Variants in KIAA0319L observed in about 807,000 individuals in gnomAD.
KIAA0319L encodes the protein KIAA0319 like.
A neutral mutation model predicts 120.1 loss-of-function variants in KIAA0319L; 55 were observed. The observed-to-expected ratio is 0.46, with a 90% CI of 0.37 to 0.57. The LOEUF (loss-of-function observed/expected upper bound fraction) is 0.57, where lower values mean the gene tolerates loss of function less well. Among genes scored for constraint, KIAA0319L ranks in the 20% least tolerant of loss-of-function variants. The pLI is 0.00. For synonymous variants in KIAA0319L, 398 were observed against 471.9 expected, an observed-to-expected ratio of 0.84 and a Z score of 2.03; for missense variants, 1,049 against 1,255.3, an observed-to-expected ratio of 0.84 and a Z score of 2.48.
intron 3 of KIAA0319L, among the ~76,000 whole-genome samples, chr1:35,491,944 C>T (rs1386697779): frequency 6.6e-6 from 1 of 152,158 alleles, no homozygotes; most frequent in Non-Finnish European, 1.5e-5. Flanking sequence ...CCAAAACTCA[C>T]TCAAGAAGAA....
intron 20 of KIAA0319L, chr1:35,440,751 G>A: frequency 2.4e-6 from 1 of 420,036 alleles, no homozygotes; most frequent in Non-Finnish European, 4.4e-6. Flanking sequence ...GACTACCTGG[G>A]GCAGTTGGAA....
chr1:35,450,950 C>T (rs889661757), intron 13 of KIAA0319L, among the ~76,000 whole-genome samples: 1 of 152,232 alleles, frequency 6.6e-6, no homozygotes, highest in Non-Finnish European at 1.5e-5. Flanking sequence ...TTCCTTGGAA[C>T]TTCACAAGAG....
chr1:35,465,026 T>A (rs539077329), intron 7 of KIAA0319L, among the ~76,000 whole-genome samples: 1 of 152,362 alleles, frequency 6.6e-6, no homozygotes, highest in Admixed American at 6.5e-5. Flanking sequence ...AGATGTCTGC[T>A]GCAGAGGCGG....
At chr1:35,554,266 A>G in intron 2 of KIAA0319L, 84 bp downstream of exon 2, 1 of 1,045,728 alleles carries the variant, frequency 9.6e-7, no homozygotes, top group Non-Finnish European at 1.3e-6. Context: ...CTGCCTCCTA[A>G]TAGTCCTTAA....
chr1:35,543,937 T>C (rs564043852), intron 2 of KIAA0319L, among the ~76,000 whole-genome samples: 7 of 152,312 alleles, frequency 4.6e-5, no homozygotes, highest in African/African-American at 1.2e-4. Context: ...CTGGAGAACA[T>C]GGCTGAGATG....
At chr1:35,473,153 T>C (rs1328268415) in intron 5 of KIAA0319L, among the ~76,000 whole-genome samples, 1 of 140,162 alleles carries the variant, frequency 7.1e-6, no homozygotes. Context: ...TGGAGTGCAA[T>C]GGCACAATCT....
At chr1:35,456,473 T>C (rs1764673) in intron 9 of KIAA0319L, among the ~76,000 whole-genome samples, 16,125 of 152,042 alleles carry the variant, frequency 0.11, 2,022 homozygotes, top group African/African-American at 0.29. Flanking sequence ...CTCACAACAA[T>C]TCTATAAAGT....
At chr1:35,444,383 T>A (rs1020341796) in intron 16 of KIAA0319L, 80 bp from the exon 17 acceptor site, 2 of 1,357,408 alleles carry the variant, frequency 1.5e-6, no homozygotes. Flanking sequence ...AAGTACCTTC[T>A]GTTTGTGACA....
chr1:35,437,933 G>C lies in KIAA0319L; in HGVS notation c.2963-2852C>G, dbSNP rs889162860. Among the ~76,000 whole-genome samples, 1 of 152,040 alleles carries C rather than the reference G, an allele frequency of 6.6e-6. No homozygotes were observed. Among genetic ancestry groups the C allele is most frequent in the South Asian group, 2.1e-4 (1 of 4,808 alleles). Reference sequence around the variant, plus strand: ...ACAGCACTATCATTCTCCATCTCTCGGTTGGAAGTCAGCCCTGACCTTGCC... The same window carrying C: ...ACAGCACTATCATTCTCCATCTCTCCGTTGGAAGTCAGCCCTGACCTTGCC... On this transcript the variant is annotated intron_variant, in intron 20 of 20. Coordinates refer to ENST00000325722, the MANE Select transcript of KIAA0319L (RefSeq NM_024874.5). The surrounding 1 kb of genome is among the most constrained non-coding windows in gnomAD (Gnocchi z 4.1).
intron 3 of KIAA0319L, among the ~76,000 whole-genome samples, chr1:35,489,478 C>T (rs369603318): frequency 1.7e-4 from 26 of 152,064 alleles, no homozygotes; most frequent in African/African-American, 5.8e-4. Flanking sequence ...CAAGCACAGA[C>T]CAGCAGTCTT....
At position 35,506,317 on chromosome 1, in the gene KIAA0319L, AC is replaced by A. The variant is rs1463661636; in HGVS notation, c.666+294del. 1.3e-5 allele frequency among the ~76,000 whole-genome samples: 2 copies of A among 152,230 alleles called. No homozygotes were observed. The highest frequency in any genetic ancestry group is 4.8e-5 in the African/African-American group (2 of 41,472). On this transcript the variant is annotated intron_variant, in intron 3 of 20. Transcript: ENST00000325722. The surrounding 1 kb of genome is among the most constrained non-coding windows in gnomAD (Gnocchi z 4.0). The stretch of plus-strand genomic sequence containing the variant: ...AAATACTGCAGAATGGTTGGTGAAT[AC>A]TAACAGCCATACAACTGTACTTACC...
At chr1:35,465,194 T>C (rs1409644779) in intron 7 of KIAA0319L, among the ~76,000 whole-genome samples, 2 of 152,160 alleles carry the variant, frequency 1.3e-5, no homozygotes, top group Non-Finnish European at 2.9e-5. Flanking sequence ...GCTTGCACTA[T>C]GCACCCGGAA....
chr1:35,461,875 C>T (rs1217187674), intron 8 of KIAA0319L, among the ~76,000 whole-genome samples: 2 of 152,150 alleles, frequency 1.3e-5, no homozygotes, highest in African/African-American at 2.4e-5. Flanking sequence ...AAACGCTTAA[C>T]CTTGTTAGAG....
At chr1:35,543,970 T>C (rs1646887967) in intron 2 of KIAA0319L, among the ~76,000 whole-genome samples, 1 of 152,178 alleles carries the variant, frequency 6.6e-6, no homozygotes, top group Non-Finnish European at 1.5e-5. Flanking sequence ...TGGCCTTTCT[T>C]ATACTTTCCT....
intron 3 of KIAA0319L, among the ~76,000 whole-genome samples, chr1:35,491,675 C>T (rs1644599113): frequency 1.3e-5 from 2 of 151,628 alleles, no homozygotes; most frequent in South Asian, 4.2e-4. Flanking sequence ...AACAGAAAAA[C>T]AATAGAGAAA....
chr1:35,552,135 G>C (rs1647251718), intron 2 of KIAA0319L, among the ~76,000 whole-genome samples: 1 of 152,062 alleles, frequency 6.6e-6, no homozygotes, highest in Non-Finnish European at 1.5e-5. Context: ...ACGAGGTCAA[G>C]AGATGGAGAC....
rs529421486 is a variant in KIAA0319L, at chr1:35,514,676, A to G, written c.143-7541T>C. On this transcript the variant is annotated intron_variant, in intron 2 of 20. Transcript: ENST00000325722. ...TACAAAATGGTTAAAGGGTCAATTCAACAAGAAAACCTAACCATCCTAAAT... is the reference window on the plus strand; with the variant it reads ...TACAAAATGGTTAAAGGGTCAATTCGACAAGAAAACCTAACCATCCTAAAT... Among the ~76,000 whole-genome samples, 4 of 152,348 alleles carry G rather than the reference A, an allele frequency of 2.6e-5. No individual in the cohort carries two copies. The South Asian group carries it at 6.2e-4, about 24-fold the overall frequency.
In KIAA0319L at chr1:35,448,204, C is replaced by T. The variant is rs965106962; in HGVS notation, c.2482G>A (p.Val828Met). The T allele has an allele frequency of 1.9e-6, 3 of 1,613,756 alleles. No individual in the cohort carries two copies. Among genetic ancestry groups the T allele is most frequent in the Non-Finnish European group, 2.5e-6 (3 of 1,179,888 alleles). ...LLGVLDSDII[V>M]QKIQPYTEQS... ...TCCGTGTACGGCTGAATCTTTTGCA[C>T]AATGATGTCGGAATCCAGCACCCCC... The change falls in exon 16 of 21, where the codon GTG becomes ATG. Residue 828 changes from valine to methionine, a missense_variant. Val to Met is a conservative substitution (Grantham distance 21). Transcript: ENST00000325722.
chr1:35,545,168 A>G (rs1385467472), intron 2 of KIAA0319L, among the ~76,000 whole-genome samples: 1 of 152,178 alleles, frequency 6.6e-6, no homozygotes, highest in Non-Finnish European at 1.5e-5. Context: ...ACTAGATGGT[A>G]GATGCTACAG....
Sources: gnomAD v4.1 joint callset for allele counts (sites outside exome capture counted in the v4.1 genomes callset) on GRCh38, gnomAD v4.1.1 for gene constraint, Gnocchi (gnomAD v3.1) non-coding constraint, MANE v1.5 for transcripts, NCBI Gene and HGNC (gene_info 2026-07-23, HGNC 2026-07-21) for gene names.